Variants in CCDC178 observed in about 807,000 individuals in gnomAD.
CCDC178 encodes coiled-coil domain-containing protein 178.
A neutral mutation model predicts 117.4 loss-of-function variants in CCDC178; 126 were observed. The ratio of observed to expected loss-of-function variants is 1.07; its 90% CI spans 0.93 to 1.24. CCDC178 has a LOEUF of 1.24. CCDC178 is among the 50% of genes most tolerant of loss of function. The pLI, the probability that CCDC178 is intolerant of heterozygous loss-of-function variation, is 0.00. For missense variants in CCDC178, 1,030 were observed against 986.9 expected (o/e 1.04, Z -0.59); for synonymous variants, 283 against 313.4 (o/e 0.90, Z 1.02).
intron 12 of CCDC178, among the ~76,000 whole-genome samples, chr18:33,288,446 CCTTCCTTTT>C (rs1227402803): frequency 4.5e-4 from 61 of 136,554 alleles, no homozygotes; most frequent in Non-Finnish European, 1.1e-4. Context: ...CCCCTTCCTT[CCTTCCTTTT>C]CTTCCCTCTC....
At chr18:33,060,312 T>C (rs2056902265) in intron 21 of CCDC178, among the ~76,000 whole-genome samples, 1 of 152,124 alleles carries the variant, frequency 6.6e-6, no homozygotes, top group African/African-American at 2.4e-5. Flanking sequence ...AATTTCCATG[T>C]AATACCCTAT....
At chr18:33,077,485 C>T (rs2057230338) in intron 21 of CCDC178, among the ~76,000 whole-genome samples, 1 of 151,802 alleles carries the variant, frequency 6.6e-6, no homozygotes, top group Non-Finnish European at 1.5e-5. Flanking sequence ...ATCAGTTGGC[C>T]TAGGAGTGAG....
chr18:33,381,209 G>C (rs1405103858), intron 5 of CCDC178, among the ~76,000 whole-genome samples: 1 of 152,082 alleles, frequency 6.6e-6, no homozygotes, highest in Non-Finnish European at 1.5e-5. Flanking sequence ...CAATAAGCCT[G>C]AACAATAGTA....
At chr18:32,997,651 T>G (rs938837104) in intron 21 of CCDC178, among the ~76,000 whole-genome samples, 1 of 152,132 alleles carries the variant, frequency 6.6e-6, no homozygotes, top group East Asian at 1.9e-4. Context: ...TACCTGTGTA[T>G]GTATATATAA....
chr18:33,420,750 T>G (rs964185947), intron 2 of CCDC178, among the ~76,000 whole-genome samples: 1 of 151,758 alleles, frequency 6.6e-6, no homozygotes, highest in Non-Finnish European at 1.5e-5. Flanking sequence ...ACAATTTATA[T>G]GACAAACCTG....
intron 20 of CCDC178, among the ~76,000 whole-genome samples, chr18:33,169,284 G>C (rs1327279356): frequency 1.3e-5 from 2 of 152,112 alleles, no homozygotes; most frequent in African/African-American, 4.8e-5. Context: ...TCCTCTTAGG[G>C]ATACATTTTA....
chr18:33,236,157 T>C (rs1010424834), intron 15 of CCDC178, among the ~76,000 whole-genome samples: 1 of 152,184 alleles, frequency 6.6e-6, no homozygotes, highest in African/African-American at 2.4e-5. Context: ...GAAGTGATAT[T>C]CCTATAATTA....
At chr18:33,403,462 C>T (rs964364936) in intron 3 of CCDC178, among the ~76,000 whole-genome samples, 1 of 149,152 alleles carries the variant, frequency 6.7e-6, no homozygotes, top group East Asian at 2.0e-4. Flanking sequence ...TTTAAATGCC[C>T]AGTTTTCAAC....
At chr18:33,221,680 A>G (rs2059236208) in intron 18 of CCDC178, among the ~76,000 whole-genome samples, 1 of 152,048 alleles carries the variant, frequency 6.6e-6, no homozygotes, top group Admixed American at 6.6e-5. Flanking sequence ...TAATTTAAAA[A>G]CCTTCTGCTT....
At chr18:33,249,211 G>T (rs2059587278) in intron 14 of CCDC178, among the ~76,000 whole-genome samples, 1 of 152,064 alleles carries the variant, frequency 6.6e-6, no homozygotes, top group South Asian at 2.1e-4. Flanking sequence ...CTCCCATTCT[G>T]TGGGTTGCCT....
At chr18:33,055,017 C>T (rs1254200986) in intron 21 of CCDC178, among the ~76,000 whole-genome samples, 2 of 152,208 alleles carry the variant, frequency 1.3e-5, no homozygotes, top group African/African-American at 4.8e-5. Flanking sequence ...ATTTGCATTT[C>T]TCTAATGATC....
intron 15 of CCDC178, among the ~76,000 whole-genome samples, chr18:33,244,694 C>G (rs574896496): frequency 4.6e-5 from 7 of 151,814 alleles, no homozygotes; most frequent in Non-Finnish European, 7.4e-5. Flanking sequence ...TTCATAGCAG[C>G]GTGAGAATGG....
chr18:33,270,439 C>T (rs2059873667), intron 12 of CCDC178, among the ~76,000 whole-genome samples: 1 of 151,504 alleles, frequency 6.6e-6, no homozygotes, highest in South Asian at 2.1e-4. Flanking sequence ...ACTCGAGATA[C>T]ATCACAATCA....
chr18:33,358,066 C>A (rs1388318688), intron 6 of CCDC178, among the ~76,000 whole-genome samples: 1 of 151,896 alleles, frequency 6.6e-6, no homozygotes, highest in East Asian at 1.9e-4. Context: ...CAGTGTGTTA[C>A]CATACTGAAT....
intron 20 of CCDC178, among the ~76,000 whole-genome samples, chr18:33,186,354 T>C (rs2058794819): frequency 6.6e-6 from 1 of 152,072 alleles, no homozygotes; most frequent in Non-Finnish European, 1.5e-5. Context: ...TCTTAGCAGT[T>C]GTATATGGTG....
chr18:33,368,487 T>A (rs8087632), intron 6 of CCDC178, among the ~76,000 whole-genome samples: 134,783 of 151,870 alleles, frequency 0.89, 62,057 homozygotes, highest in East Asian at 1. Context: ...GCTCTTTTTT[T>A]CAGTTTTTTT....
intron 12 of CCDC178, among the ~76,000 whole-genome samples, chr18:33,288,995 A>G (rs776235923): frequency 7.9e-5 from 12 of 152,174 alleles, no homozygotes; most frequent in Non-Finnish European, 1.5e-4. Context: ...TCATACTACT[A>G]TCTATTTAAG....
intron 10 of CCDC178, among the ~76,000 whole-genome samples, chr18:33,332,392 T>G (rs1248987485): frequency 6.6e-6 from 1 of 152,190 alleles, no homozygotes; most frequent in Non-Finnish European, 1.5e-5. Flanking sequence ...GTGACAATTA[T>G]CAATAAATTA....
chr18:33,209,520 C>T (rs2059082936), intron 20 of CCDC178, among the ~76,000 whole-genome samples: 1 of 152,118 alleles, frequency 6.6e-6, no homozygotes, highest in Non-Finnish European at 1.5e-5. Context: ...TAATGAGACT[C>T]TTTTCTTTGC....
Sources: gnomAD v4.1 joint callset for allele counts (sites outside exome capture counted in the v4.1 genomes callset) on GRCh38, gnomAD v4.1.1 for gene constraint, MANE v1.5 for transcripts, NCBI Gene and HGNC (gene_info 2026-07-23, HGNC 2026-07-21) for gene names.